AFAP1: variants seen among roughly 807,000 people sequenced by gnomAD.
The protein encoded by AFAP1 is actin filament associated protein 1.
Under a neutral mutation model 93.9 loss-of-function variants are expected in AFAP1, and 75 were observed. That is an observed-to-expected ratio of 0.80 (90% CI 0.66 to 0.97). The LOEUF (loss-of-function observed/expected upper bound fraction) is 0.97, where lower values mean the gene tolerates loss of function less well. AFAP1 is among the 50% of genes least tolerant of loss of function. The pLI is 0.00. For missense variants in AFAP1, 1,201 were observed against 1,050.8 expected, an observed-to-expected ratio of 1.14 and a Z score of -1.98; for synonymous variants, 517 against 430.7, an observed-to-expected ratio of 1.20 and a Z score of -2.48.
intron 1 of AFAP1, among the ~76,000 whole-genome samples, chr4:7,908,520 A>G (rs1018256556): frequency 2.0e-4 from 30 of 152,244 alleles, no homozygotes; most frequent in African/African-American, 5.8e-4. Context: ...AAGTTTACCA[A>G]TGCAGCTTTG....
At chr4:7,854,752 G>A (rs1714858939) in intron 4 of AFAP1, among the ~76,000 whole-genome samples, 1 of 152,036 alleles carries the variant, frequency 6.6e-6, no homozygotes, top group Admixed American at 6.6e-5. Flanking sequence ...GATTCCATTA[G>A]TTGACATACA....
chr4:7,840,619 T>G (rs896483241), intron 5 of AFAP1, among the ~76,000 whole-genome samples: 2 of 152,184 alleles, frequency 1.3e-5, no homozygotes, highest in Non-Finnish European at 2.9e-5. Context: ...GCCTTCCTGT[T>G]TTGGTCTTCT....
At chr4:7,794,816 A>G (rs1446404915) in intron 10 of AFAP1, among the ~76,000 whole-genome samples, 2 of 152,178 alleles carry the variant, frequency 1.3e-5, no homozygotes, top group Non-Finnish European at 2.9e-5. Context: ...GTGAGCCACC[A>G]TGCCCAGCTT....
At chr4:7,767,353 G>A (rs1173120539) in intron 17 of AFAP1, among the ~76,000 whole-genome samples, 2 of 152,106 alleles carry the variant, frequency 1.3e-5, no homozygotes, top group Non-Finnish European at 2.9e-5. Flanking sequence ...TGAGGGTCGG[G>A]ACCACAGAAT....
chr4:7,933,249 G>C (rs909443262), intron 1 of AFAP1, among the ~76,000 whole-genome samples: 3 of 152,048 alleles, frequency 2.0e-5, no homozygotes, highest in Middle Eastern at 3.4e-3. Context: ...GGGCTAACCA[G>C]GGAGGTCCAA....
At chr4:7,769,136 C>T in intron 16 of AFAP1, 128 bp from the exon 17 acceptor site, 2 of 1,238,438 alleles carry the variant, frequency 1.6e-6, no homozygotes, top group Admixed American at 2.5e-5. Flanking sequence ...GCAGTAGCAG[C>T]AAGGACTGCC....
chr4:7,922,671 T>G (rs1720502259), intron 1 of AFAP1, among the ~76,000 whole-genome samples: 1 of 152,188 alleles, frequency 6.6e-6, no homozygotes, highest in African/African-American at 2.4e-5. Context: ...CCGGGGAACC[T>G]GTCCTTGATC....
At chr4:7,832,362 C>G (rs1711732355) in intron 6 of AFAP1, among the ~76,000 whole-genome samples, 2 of 151,850 alleles carry the variant, frequency 1.3e-5, no homozygotes, top group South Asian at 4.2e-4. Flanking sequence ...GTGTCCTGAG[C>G]AGCTGGCAGA....
At chr4:7,766,951 T>C (rs1194901328) in intron 17 of AFAP1, among the ~76,000 whole-genome samples, 1 of 151,214 alleles carries the variant, frequency 6.6e-6, no homozygotes, top group Non-Finnish European at 1.5e-5. Flanking sequence ...GCATAGCGCT[T>C]CCCACATCCG....
chr4:7,884,634 G>C (rs1577333235), intron 1 of AFAP1, among the ~76,000 whole-genome samples: 2 of 152,026 alleles, frequency 1.3e-5, no homozygotes, highest in South Asian at 4.1e-4. Flanking sequence ...GTAACTATTT[G>C]GGAAAAAGAA....
chr4:7,792,560 T>A (rs1049130568), intron 11 of AFAP1, among the ~76,000 whole-genome samples: 1 of 152,334 alleles, frequency 6.6e-6, no homozygotes, highest in South Asian at 2.1e-4. Context: ...CAAATGCCTA[T>A]GTGCAAATAA....
intron 1 of AFAP1, among the ~76,000 whole-genome samples, chr4:7,919,208 C>T (rs368113440): frequency 6.6e-5 from 10 of 152,172 alleles, no homozygotes; most frequent in South Asian, 2.1e-4. Flanking sequence ...CAGATTATCC[C>T]GGCCCAACGG....
intron 10 of AFAP1, chr4:7,799,237 C>T (rs988648172): frequency 3.4e-5 from 8 of 236,812 alleles, no homozygotes; most frequent in African/African-American, 4.7e-5. Context: ...TGCTGCAAAA[C>T]CAGCCACGGG....
At chr4:7,875,013 T>C (rs1040033978) in intron 1 of AFAP1, among the ~76,000 whole-genome samples, 1 of 152,180 alleles carries the variant, frequency 6.6e-6, no homozygotes. Context: ...ACCAAAAAGT[T>C]TCAGATCTGA....
At chr4:7,783,714 T>C (rs1415412950) in intron 12 of AFAP1, among the ~76,000 whole-genome samples, 3 of 152,196 alleles carry the variant, frequency 2.0e-5, no homozygotes, top group Admixed American at 6.5e-5. Flanking sequence ...CTGTAGAGTG[T>C]CATAAAAGTC....
At chr4:7,872,414 G>A in intron 1 of AFAP1, 1 of 204,602 alleles carries the variant, frequency 4.9e-6, no homozygotes, top group Non-Finnish European at 9.8e-6. Flanking sequence ...ATGTCAAGAA[G>A]GAGATGGGAG....
rs1316497341 is a variant in AFAP1 at position 7,760,097 on chromosome 4, G to C, written c.*3668C>G. 1 of 152,236 alleles carries C rather than the reference G, an allele frequency of 6.6e-6. No homozygotes were observed. The highest frequency in any genetic ancestry group is 2.4e-5 in the African/African-American group (1 of 41,464). The allele number at this position is 152,236 out of a possible 1,614,324, so 9.4% of individuals were successfully genotyped here. A position where few individuals can be genotyped will look rare whatever the true frequency, so the allele number is the denominator to read the frequency against. ...TACACCTAACCCCAGCTTCGACGCT[G>C]CCCTTTGAGTCCCGTGCACAAGCAC... On this transcript the variant is annotated 3_prime_UTR_variant, in exon 18 of 18. Transcript: ENST00000420658.
chr4:7,796,687 C>T (rs1364373597), intron 10 of AFAP1, among the ~76,000 whole-genome samples: 1 of 147,314 alleles, frequency 6.8e-6, no homozygotes, highest in African/African-American at 2.5e-5. Flanking sequence ...GGAGACGGAG[C>T]TTGCAGTGAG....
At chr4:7,806,883 C>A (rs1430448432) in intron 9 of AFAP1, among the ~76,000 whole-genome samples, 4 of 151,906 alleles carry the variant, frequency 2.6e-5, no homozygotes, top group African/African-American at 9.7e-5. Flanking sequence ...AGAAAGTGCC[C>A]AAGAAGAGGG....
Sources: allele counts gnomAD v4.1 joint callset (sites outside exome capture counted in the v4.1 genomes callset), GRCh38; gene constraint gnomAD v4.1.1; transcripts MANE v1.5; gene names NCBI Gene and HGNC (gene_info 2026-07-23, HGNC 2026-07-21).